PXK: variants seen among roughly 807,000 people sequenced by gnomAD.
The protein encoded by PXK is PX domain containing serine/threonine kinase like.
A neutral mutation model predicts 84.7 loss-of-function variants in PXK; 35 were observed. That is an observed-to-expected ratio of 0.41 (90% CI 0.32 to 0.55). PXK has a LOEUF of 0.55. PXK is among the 20% of genes least tolerant of loss of function. The probability of loss-of-function intolerance (pLI) is 0.21; values close to 1 mark genes in which losing one functional copy is unlikely to be tolerated. For missense variants in PXK, 634 were observed against 699.7 expected (o/e 0.91, Z 1.06); for synonymous variants, 253 against 260.8 (o/e 0.97, Z 0.29).
At chr3:58,376,994 G>C (rs533418817) in intron 3 of PXK, among the ~76,000 whole-genome samples, 1 of 152,230 alleles carries the variant, frequency 6.6e-6, no homozygotes, top group South Asian at 2.1e-4. Context: ...TGATTGGCTT[G>C]GATGTGCAAT....
At chr3:58,356,458 T>A (rs2098082235) in intron 1 of PXK, among the ~76,000 whole-genome samples, 1 of 152,096 alleles carries the variant, frequency 6.6e-6, no homozygotes, top group Admixed American at 6.5e-5. Flanking sequence ...ATGGGAATGA[T>A]TCATTGGAGG....
At chr3:58,343,267 G>T (rs889611542) in intron 1 of PXK, among the ~76,000 whole-genome samples, 2 of 152,228 alleles carry the variant, frequency 1.3e-5, no homozygotes, top group Non-Finnish European at 2.9e-5. Context: ...CTTGCCAGAA[G>T]TAGAGGGAAA....
chr3:58,424,780 ACCT>A lies in PXK; in HGVS notation c.1560_1562del (p.Pro524del), dbSNP rs2062595751. 2 of 1,613,336 alleles carry A rather than the reference ACCT, an allele frequency of 1.2e-6. No homozygotes were observed. The highest frequency in any genetic ancestry group is 1.7e-6 in the Non-Finnish European group (2 of 1,179,872). ...TATCTGCATTACCTCCACCTCCTCC[ACCT>A]CCACCACCACCAGCAGCTCCCTTGC... On this transcript the variant is annotated inframe_deletion, in exon 18 of 18. Coordinates refer to ENST00000356151, the MANE Select transcript of PXK (RefSeq NM_017771.5).
chr3:58,391,014 G>A, intron 5 of PXK, 133 bp from the exon 6 acceptor site: 1 of 642,542 alleles, frequency 1.6e-6, no homozygotes, highest in Non-Finnish European at 2.7e-6. Context: ...TTATCAAATG[G>A]TTCTTTTACT....
At chr3:58,402,839 C>T (rs2058801170) in intron 12 of PXK, among the ~76,000 whole-genome samples, 1 of 148,080 alleles carries the variant, frequency 6.8e-6, no homozygotes, top group Non-Finnish European at 1.5e-5. Flanking sequence ...TGTGGGGGTA[C>T]ATGCGAAAGT....
At chr3:58,363,824 C>A (rs1295083763) in intron 1 of PXK, among the ~76,000 whole-genome samples, 1 of 152,140 alleles carries the variant, frequency 6.6e-6, no homozygotes, top group Non-Finnish European at 1.5e-5. Flanking sequence ...TGTTCCTGAT[C>A]TTAGGGGAAA....
intron 1 of PXK, among the ~76,000 whole-genome samples, chr3:58,343,398 A>T (rs2097768823): frequency 6.6e-6 from 1 of 152,242 alleles, no homozygotes; most frequent in Non-Finnish European, 1.5e-5. Context: ...TGCTGTAGGC[A>T]TCTATGCATG....
chr3:58,388,520 A>T (rs1001967291), intron 4 of PXK, among the ~76,000 whole-genome samples: 1 of 152,256 alleles, frequency 6.6e-6, no homozygotes, highest in African/African-American at 2.4e-5. Context: ...ACTTTATATT[A>T]ACATGAATTA....
intron 7 of PXK, among the ~76,000 whole-genome samples, chr3:58,393,117 G>C (rs1393291931): frequency 1.3e-5 from 2 of 152,130 alleles, no homozygotes; most frequent in Admixed American, 1.3e-4. Context: ...GGGAGGCTGA[G>C]GCGGATGGAT....
At chr3:58,345,178 C>T (rs1179256255) in intron 1 of PXK, among the ~76,000 whole-genome samples, 1 of 152,128 alleles carries the variant, frequency 6.6e-6, no homozygotes, top group Non-Finnish European at 1.5e-5. Flanking sequence ...GAGAGCAGGG[C>T]ACAGGGGAGA....
intron 3 of PXK, among the ~76,000 whole-genome samples, chr3:58,378,510 TTTTGTGTGTG>T (rs2098465736): frequency 7.2e-5 from 2 of 27,724 alleles, no homozygotes; most frequent in African/African-American, 9.7e-5. Context: ...TTTTTTTTTT[TTTTGTGTGTG>T]TGTGTGTGTG....
At position 58,401,447 on chromosome 3, in the gene PXK, C is replaced by G. The variant is rs2058542528; in HGVS notation, c.1181+2070C>G. 6.6e-6 allele frequency among the ~76,000 whole-genome samples: 1 copy of G among 151,986 alleles called. No homozygotes were observed. The highest frequency in any genetic ancestry group is 1.5e-5 in the Non-Finnish European group (1 of 68,018). ...TGGCCAACATGGCGAAACCCCATCTCTACAAAAAATACAACAACAACAAAA... is the reference window on the plus strand; with the variant it reads ...TGGCCAACATGGCGAAACCCCATCTGTACAAAAAATACAACAACAACAAAA... On this transcript the variant is annotated intron_variant, in intron 12 of 17. Coordinates refer to ENST00000356151, the MANE Select transcript of PXK (RefSeq NM_017771.5). The surrounding 1 kb of genome is among the most constrained non-coding windows in gnomAD (Gnocchi z 4.4).
intron 1 of PXK, among the ~76,000 whole-genome samples, chr3:58,349,690 A>G (rs543587582): frequency 6.6e-6 from 1 of 152,326 alleles, no homozygotes; most frequent in Non-Finnish European, 1.5e-5. Flanking sequence ...ATACCTGCAA[A>G]TAAACAGTCT....
chr3:58,345,983 T>G (rs2097807946), intron 1 of PXK, among the ~76,000 whole-genome samples: 1 of 152,200 alleles, frequency 6.6e-6, no homozygotes, highest in Admixed American at 6.5e-5. Context: ...ATTTGTAGAC[T>G]TCAGGAGTTC....
intron 1 of PXK, among the ~76,000 whole-genome samples, chr3:58,356,228 A>G (rs1057501921): frequency 5.3e-5 from 8 of 152,096 alleles, no homozygotes; most frequent in African/African-American, 9.7e-5. Flanking sequence ...TGGCATGCCA[A>G]GATAGGGGGT....
intron 3 of PXK, among the ~76,000 whole-genome samples, chr3:58,376,004 A>G (rs566798165): frequency 2.0e-4 from 31 of 152,314 alleles, no homozygotes; most frequent in African/African-American, 7.0e-4. Context: ...TCTTTCTTAA[A>G]TTATATATAG....
intron 1 of PXK, among the ~76,000 whole-genome samples, chr3:58,353,387 T>A (rs1427007363): frequency 6.6e-6 from 1 of 152,220 alleles, no homozygotes; most frequent in African/African-American, 2.4e-5. Context: ...TTTAGGTTAA[T>A]ACGGTAATGA....
In PXK at chr3:58,409,544, C is replaced by G; in HGVS notation, c.1321C>G (p.Arg441Gly). 1.2e-6 allele frequency: 2 copies of G among 1,613,198 alleles called. No homozygotes were observed. The highest frequency in any genetic ancestry group is 1.7e-5 in the Admixed American group (1 of 59,744). ...TGGTCTTTTAAAGATTCACCAGCAT[C>G]GAAGACTGACAAGAGCTCAGTCCCA... ...IEEQKQIHQHRRLTRAQSHHG... is the reference protein window; with the variant it reads ...IEEQKQIHQHGRLTRAQSHHG... The change falls in exon 15 of 18, where the codon CGA becomes GGA. Residue 441 changes from arginine (R) to glycine (G), a missense_variant. Transcript: ENST00000356151. The surrounding 1 kb of genome is among the most constrained non-coding windows in gnomAD (Gnocchi z 4.2).
chr3:58,397,862 CA>C lies in PXK; in HGVS notation c.1102+143del. 1 of 659,566 alleles carries C rather than the reference CA, an allele frequency of 1.5e-6. No homozygotes were observed. Among genetic ancestry groups the C allele is most frequent in the Non-Finnish European group, 2.6e-6 (1 of 384,392 alleles). 40.9% of individuals were successfully genotyped at this position (659,566 alleles called of 1,614,324 possible). A position where few individuals can be genotyped will look rare whatever the true frequency, so the allele number is the denominator to read the frequency against. On this transcript the variant is annotated intron_variant, in intron 11 of 17. Coordinates refer to ENST00000356151, the MANE Select transcript of PXK (RefSeq NM_017771.5). This position sits in a 1 kb window ranked among gnomAD's most constrained non-coding sequence, Gnocchi z 4.7. Reference sequence around the variant, plus strand: ...ATTCTTACAAAATTTAAAAGTAGACCAAATTTGAGTAGTTTACTTAAATACA... The same window carrying C: ...ATTCTTACAAAATTTAAAAGTAGACCAATTTGAGTAGTTTACTTAAATACA...
Sources: allele counts gnomAD v4.1 joint callset (sites outside exome capture counted in the v4.1 genomes callset), GRCh38; gene constraint gnomAD v4.1.1; non-coding constraint Gnocchi (gnomAD v3.1); transcripts MANE v1.5; gene names NCBI Gene and HGNC (gene_info 2026-07-23, HGNC 2026-07-21).